PCDHGA4: variants seen among roughly 807,000 people sequenced by gnomAD.
PCDHGA4 encodes the protein protocadherin gamma-A4.
Under a neutral mutation model 54.6 loss-of-function variants are expected in PCDHGA4, and 38 were observed. The observed-to-expected ratio is 0.70, with a 90% CI of 0.54 to 0.91. PCDHGA4 has a LOEUF of 0.91. PCDHGA4 is among the 40% of genes least tolerant of loss of function. PCDHGA4 has a pLI of 0.00. For missense variants in PCDHGA4, 1,298 were observed against 1,220.9 expected (o/e 1.06, Z -0.94); for synonymous variants, 511 against 512.9 (o/e 1.00, Z 0.05).
rs1008664105 is a variant in PCDHGA4, at chr5:141,432,402, T to C, written c.2515-62405T>C. 6.2e-7 allele frequency: 1 copy of C among 1,614,194 alleles called. No homozygotes were observed. The highest frequency in any genetic ancestry group is 1.1e-5 in the South Asian group (1 of 91,082). On this transcript the variant is annotated intron_variant, in intron 1 of 3. Transcript: ENST00000571252. The surrounding 1 kb of genome is among the most constrained non-coding windows in gnomAD (Gnocchi z 6.0). ...CCGCCCCTCAGCAGCAACGTGTCGT[T>C]GAGCCTGTTCGTGCTGGACCAGAAC...
At chr5:141,399,598 G>A in intron 1 of PCDHGA4, 1 of 1,613,964 alleles carries the variant, frequency 6.2e-7, no homozygotes, top group Non-Finnish European at 8.5e-7. Context: ...CATGGCCAGC[G>A]ACCTAGAGCC....
At chr5:141,388,940 C>A (rs762814414) in intron 1 of PCDHGA4, 1 of 1,613,966 alleles carries the variant, frequency 6.2e-7, no homozygotes, top group South Asian at 1.1e-5. Context: ...CTCTACCCAA[C>A]CTAATTATGG....
In PCDHGA4 at chr5:141,422,057, A is replaced by T. The variant is rs1356083259; in HGVS notation, c.2514+64436A>T. 3.1e-6 allele frequency: 5 copies of T among 1,611,974 alleles called. No individual in the cohort carries two copies. The South Asian group carries it at 5.5e-5, about 18-fold the overall frequency. On this transcript the variant is annotated intron_variant, in intron 1 of 3. Transcript: ENST00000571252. The stretch of plus-strand genomic sequence containing the variant: ...GATCCAGACGAGGGAATCAACGGGG[A>T]AGTAATGTATTCATTTCGGAACATG...
rs2154591169 is a variant in PCDHGA4 at position 141,493,606 on chromosome 5, T to A, written c.2515-1201T>A. Among the ~76,000 whole-genome samples, 1 of 152,278 alleles carries A rather than the reference T, an allele frequency of 6.6e-6. No homozygotes were observed. Among genetic ancestry groups the A allele is most frequent in the Non-Finnish European group, 1.5e-5 (1 of 68,022 alleles). ...ACAATCACTGCATTTCCATGTAGAT[T>A]CTGCTGTGTCTAAGAATACAGTGGC... On this transcript the variant is annotated intron_variant, in intron 1 of 3. Transcript: ENST00000571252. This position sits in a 1 kb window ranked among gnomAD's most constrained non-coding sequence, Gnocchi z 4.3.
At chr5:141,501,691 G>C (rs910322085) in intron 2 of PCDHGA4, among the ~76,000 whole-genome samples, 1 of 152,092 alleles carries the variant, frequency 6.6e-6, no homozygotes, top group Non-Finnish European at 1.5e-5. Context: ...CTTATCTGCA[G>C]GGTGATTCCG....
intron 1 of PCDHGA4, chr5:141,428,180 C>G (rs780780274): frequency 1.3e-6 from 2 of 1,486,274 alleles, no homozygotes; most frequent in East Asian, 2.3e-5. Flanking sequence ...TGACGGAGGA[C>G]AGCCGCCGCT....
intron 1 of PCDHGA4, among the ~76,000 whole-genome samples, chr5:141,464,913 A>T (rs1035542028): frequency 1.3e-4 from 19 of 151,426 alleles, no homozygotes; most frequent in Admixed American, 1.2e-3. Context: ...TAATTTTTTT[A>T]TTTTTTTGTA....
intron 2 of PCDHGA4, 160 bp from the exon 3 acceptor site, chr5:141,505,233 C>T: frequency 1.1e-6 from 1 of 872,838 alleles, no homozygotes; most frequent in Non-Finnish European, 1.4e-6. Context: ...ATTCTGGCTT[C>T]TGAAGGATTG....
intron 1 of PCDHGA4, chr5:141,384,638 G>A: frequency 1.2e-6 from 2 of 1,614,188 alleles, no homozygotes; most frequent in Non-Finnish European, 8.5e-7. Flanking sequence ...CTGGCACCCC[G>A]CTCCGCAGAG....
In PCDHGA4 at chr5:141,357,312, C is replaced by T; in HGVS notation, c.2205C>T (p.Phe735=). Residue 735 remains phenylalanine (F), a synonymous_variant, in exon 1 of 4, where the codon TTC becomes TTT. Transcript: ENST00000571252. The part of the protein sequence containing the change: ...VVAVAAVSCV[F]LAFVTVLLAL... The stretch of plus-strand genomic sequence containing the variant: ...CAGTGGCCGCTGTCTCCTGCGTCTT[C>T]CTGGCTTTTGTCACGGTGCTGCTAG... 1.2e-6 allele frequency: 2 copies of T among 1,614,090 alleles called. No individual in the cohort carries two copies. Among genetic ancestry groups the T allele is most frequent in the Non-Finnish European group, 1.7e-6 (2 of 1,179,942 alleles).
At chr5:141,376,059 C>A (rs761483041) in intron 1 of PCDHGA4, 1 of 1,613,280 alleles carries the variant, frequency 6.2e-7, no homozygotes, top group Admixed American at 1.7e-5. Context: ...GCCACTGTCA[C>A]GCTCACCGTG....
chr5:141,368,709 C>T (rs540009128), intron 1 of PCDHGA4, among the ~76,000 whole-genome samples: 5 of 152,276 alleles, frequency 3.3e-5, no homozygotes, highest in African/African-American at 1.2e-4. Flanking sequence ...TTGATCCATA[C>T]ATTTTGAATG....
At position 141,490,753 on chromosome 5, in the gene PCDHGA4, T is replaced by C; in HGVS notation, c.2515-4054T>C. ...TCAGGTTCAGGGAGCCCCAGCCTCC[T>C]CCTTTGTGTATGTCAACCCAGAGGA... On this transcript the variant is annotated intron_variant, in intron 1 of 3. Transcript: ENST00000571252. This position sits in a 1 kb window ranked among gnomAD's most constrained non-coding sequence, Gnocchi z 5.4. 1 of 1,614,184 alleles carries C rather than the reference T, an allele frequency of 6.2e-7. No individual in the cohort carries two copies. The highest frequency in any genetic ancestry group is 8.5e-7 in the Non-Finnish European group (1 of 1,180,024).
chr5:141,364,815 T>C, intron 1 of PCDHGA4: 1 of 1,613,998 alleles, frequency 6.2e-7, no homozygotes, highest in South Asian at 1.1e-5. Context: ...GATGCGGATG[T>C]GGGTGTGAAC....
At chr5:141,385,318 A>G (rs373167861) in intron 1 of PCDHGA4, 2 of 1,610,212 alleles carry the variant, frequency 1.2e-6, no homozygotes, top group Non-Finnish European at 1.7e-6. Context: ...CCTGCCAAGT[A>G]TTCAGGTGAG....
intron 3 of PCDHGA4, among the ~76,000 whole-genome samples, chr5:141,508,528 C>T (rs2099869454): frequency 6.6e-6 from 1 of 152,186 alleles, no homozygotes; most frequent in Admixed American, 6.5e-5. Context: ...AACCTCAGGG[C>T]ACCCCCCACG....
At chr5:141,492,241 C>G (rs1351937353) in intron 1 of PCDHGA4, among the ~76,000 whole-genome samples, 2 of 152,186 alleles carry the variant, frequency 1.3e-5, no homozygotes, top group East Asian at 3.9e-4. Context: ...TGCTGGCCAC[C>G]CCCACGGCCC....
At chr5:141,361,288 C>T (rs1213603447) in intron 1 of PCDHGA4, 21 of 1,613,934 alleles carry the variant, frequency 1.3e-5, no homozygotes, top group Non-Finnish European at 1.8e-5. Flanking sequence ...AGTTTACTGC[C>T]AAGTGTTGGG....
In PCDHGA4 at chr5:141,472,816, G is replaced by A. The variant is rs1186234004; in HGVS notation, c.2515-21991G>A. On this transcript the variant is annotated intron_variant, in intron 1 of 3. Transcript: ENST00000571252. ...GCCTGACCAACATGGAGAAACCCCC[G>A]TCTCTACTAAAAATAGAAAATTAGC... 4.6e-5 allele frequency among the ~76,000 whole-genome samples: 7 copies of A among 151,374 alleles called. No individual in the cohort carries two copies. In the South Asian group the frequency reaches 6.2e-4, roughly 14 times the overall value.
Sources: gnomAD v4.1 joint callset for allele counts (sites outside exome capture counted in the v4.1 genomes callset) on GRCh38, gnomAD v4.1.1 for gene constraint, Gnocchi (gnomAD v3.1) non-coding constraint, MANE v1.5 for transcripts, NCBI Gene and HGNC (gene_info 2026-07-23, HGNC 2026-07-21) for gene names.